Variants in NPTN observed in about 807,000 individuals in gnomAD.
NPTN encodes neuroplastin.
Under a neutral mutation model 42.7 loss-of-function variants are expected in NPTN, and 5 were observed. The ratio of observed to expected loss-of-function variants is 0.12; its 90% CI spans 0.06 to 0.25. The LOEUF (loss-of-function observed/expected upper bound fraction) is 0.25, where lower values mean the gene tolerates loss of function less well. NPTN is among the 10% of genes least tolerant of loss of function. The probability of loss-of-function intolerance (pLI) is 1.00; values close to 1 mark genes in which losing one functional copy is unlikely to be tolerated. For synonymous variants in NPTN, 180 were observed against 201.9 expected, an observed-to-expected ratio of 0.89 and a Z score of 0.92; for missense variants, 307 against 525.4, an observed-to-expected ratio of 0.58 and a Z score of 4.06.
intron 1 of NPTN, among the ~76,000 whole-genome samples, chr15:73,626,515 T>C (rs551422960): frequency 2.6e-5 from 4 of 152,342 alleles, no homozygotes; most frequent in African/African-American, 7.2e-5. Flanking sequence ...TTTTTAGAAC[T>C]GAAAGGAAAT....
At chr15:73,568,685 G>A (rs908914343) in intron 6 of NPTN, 20 of 985,388 alleles carry the variant, frequency 2.0e-5, no homozygotes, top group Non-Finnish European at 4.8e-6. Flanking sequence ...ACACTCCCAG[G>A]TTGCAGGAAA....
chr15:73,630,864 T>C (rs942184680), intron 1 of NPTN, among the ~76,000 whole-genome samples: 1 of 152,216 alleles, frequency 6.6e-6, no homozygotes, highest in Admixed American at 6.5e-5. Flanking sequence ...TAATAAGACA[T>C]GTTATATAGA....
At chr15:73,568,853 C>G in intron 6 of NPTN, 1 of 985,530 alleles carries the variant, frequency 1.0e-6, no homozygotes, top group Non-Finnish European at 1.2e-6. Context: ...TTACTGCAGG[C>G]AGAGAGATTT....
intron 6 of NPTN, chr15:73,568,630 G>GA (rs1895180146): frequency 1.0e-6 from 1 of 985,342 alleles, no homozygotes; most frequent in Non-Finnish European, 1.2e-6. Context: ...AAATCCCAAA[G>GA]AAAGCAGGTT....
intron 1 of NPTN, among the ~76,000 whole-genome samples, chr15:73,629,162 C>T (rs1250456755): frequency 1.3e-5 from 2 of 152,168 alleles, no homozygotes; most frequent in African/African-American, 4.8e-5. Context: ...CCAGACCGAA[C>T]CAATTTCTCA....
chr15:73,607,436 A>G (rs1897344303), intron 1 of NPTN, among the ~76,000 whole-genome samples: 1 of 152,232 alleles, frequency 6.6e-6, no homozygotes, highest in South Asian at 2.1e-4. Context: ...TTCTTCCATC[A>G]TCATATATCG....
rs1385316730 is a variant in NPTN at position 73,560,921 on chromosome 15, G to A, written c.*142C>T. The stretch of plus-strand genomic sequence containing the variant: ...ACCTGGCTAGATCACCCTTACAGGA[G>A]AGGCTAAATAAGGCATGCTTTAGAC... On this transcript the variant is annotated 3_prime_UTR_variant, in exon 9 of 9. Coordinates refer to ENST00000345330, the MANE Select transcript of NPTN (RefSeq NM_012428.4). The A allele has an allele frequency of 6.6e-6, 1 of 152,482 alleles. No homozygotes were observed. The highest frequency in any genetic ancestry group is 1.5e-5 in the Non-Finnish European group (1 of 68,018). The allele number at this position is 152,482 out of a possible 1,614,324, so 9.4% of individuals were successfully genotyped here. A position where few individuals can be genotyped will look rare whatever the true frequency, so the allele number is the denominator to read the frequency against.
intron 6 of NPTN, chr15:73,568,138 G>T: frequency 1.0e-6 from 1 of 985,390 alleles, no homozygotes; most frequent in Non-Finnish European, 1.2e-6. Context: ...CTGGGCAGGT[G>T]TCTGCACTTA....
intron 3 of NPTN, 79 bp from the exon 4 acceptor site, chr15:73,587,697 A>T: frequency 9.6e-7 from 1 of 1,045,196 alleles, no homozygotes; most frequent in Non-Finnish European, 1.5e-6. Context: ...TCAAAGGGGC[A>T]ATCAGGGATC....
At chr15:73,620,016 T>C (rs1223172986) in intron 1 of NPTN, among the ~76,000 whole-genome samples, 3 of 152,234 alleles carry the variant, frequency 2.0e-5, no homozygotes, top group Non-Finnish European at 4.4e-5. Flanking sequence ...GATTAAGAGA[T>C]TTGCCAAAAA....
chr15:73,571,347 G>A (rs1188994498), intron 5 of NPTN, among the ~76,000 whole-genome samples: 2 of 152,200 alleles, frequency 1.3e-5, no homozygotes, highest in East Asian at 3.8e-4. Context: ...AGGTGGGAGT[G>A]AGAAGGTGAG....
At chr15:73,568,428 TG>T (rs1389526012) in intron 6 of NPTN, 2 of 985,414 alleles carry the variant, frequency 2.0e-6, no homozygotes, top group South Asian at 4.7e-5. Context: ...AAAAGCATTC[TG>T]GGGGGATAAA....
chr15:73,605,247 C>T (rs764276722), intron 1 of NPTN, among the ~76,000 whole-genome samples: 20 of 152,054 alleles, frequency 1.3e-4, no homozygotes, highest in South Asian at 6.2e-4. Flanking sequence ...CCAAATCTTT[C>T]CATTTTCCAA....
In NPTN at chr15:73,597,434, G is replaced by T; in HGVS notation, c.92-65C>A. 2 of 1,176,432 alleles carry T rather than the reference G, an allele frequency of 1.7e-6. No individual in the cohort carries two copies. The highest frequency in any genetic ancestry group is 2.5e-5 in the East Asian group (1 of 39,908). 72.9% of individuals were successfully genotyped at this position (1,176,432 alleles called of 1,614,324 possible). A position where few individuals can be genotyped will look rare whatever the true frequency, so the allele number is the denominator to read the frequency against. The stretch of plus-strand genomic sequence containing the variant: ...CAGAAAAAAAAAAAAGAATCAACAG[G>T]TGTTAATAGTAATTTAAAGAAAAGA... On this transcript the variant is annotated intron_variant, in intron 1 of 8. Transcript: ENST00000345330. This position sits in a 1 kb window ranked among gnomAD's most constrained non-coding sequence, Gnocchi z 6.3.
chr15:73,605,100 G>GGC (rs1555410799), intron 1 of NPTN, among the ~76,000 whole-genome samples: 13 of 123,768 alleles, frequency 1.1e-4, no homozygotes, highest in African/African-American at 3.6e-4. Flanking sequence ...CCTGTCTCAA[G>GGC]GGGGGGGGGG....
At chr15:73,605,968 A>G (rs924091439) in intron 1 of NPTN, among the ~76,000 whole-genome samples, 2 of 151,884 alleles carry the variant, frequency 1.3e-5, no homozygotes, top group Non-Finnish European at 2.9e-5. Context: ...AGGCTGACGC[A>G]CAAGAATCGC....
intron 4 of NPTN, 95 bp downstream of exon 4, chr15:73,587,429 G>A: frequency 1.2e-6 from 1 of 860,008 alleles, no homozygotes; most frequent in South Asian, 1.4e-5. Context: ...TCTCGACATG[G>A]AAAGAAGAGG....
intron 3 of NPTN, among the ~76,000 whole-genome samples, chr15:73,588,945 A>G (rs1351370114): frequency 1.3e-5 from 2 of 152,244 alleles, no homozygotes; most frequent in Non-Finnish European, 2.9e-5. Context: ...GGGAATGAAT[A>G]AATGAATGAA....
At chr15:73,608,915 A>C in intron 1 of NPTN, among the ~76,000 whole-genome samples, 1 of 152,192 alleles carries the variant, frequency 6.6e-6, no homozygotes. Context: ...ACATCTGGAG[A>C]TATCCAAATG....
Sources: gnomAD v4.1 joint callset for allele counts (sites outside exome capture counted in the v4.1 genomes callset) on GRCh38, gnomAD v4.1.1 for gene constraint, Gnocchi (gnomAD v3.1) non-coding constraint, MANE v1.5 for transcripts, NCBI Gene and HGNC (gene_info 2026-07-23, HGNC 2026-07-21) for gene names.